AGMO: variants seen among roughly 807,000 people sequenced by gnomAD.
AGMO encodes glyceryl-ether monooxygenase.
In AGMO, 75 loss-of-function variants were observed where a neutral mutation model predicts 60.2. That is an observed-to-expected ratio of 1.25 (90% CI 1.03 to 1.51). The LOEUF (loss-of-function observed/expected upper bound fraction) is 1.51, where lower values mean the gene tolerates loss of function less well. Among genes scored for constraint, AGMO ranks in the 40% most tolerant of loss-of-function variants. AGMO has a pLI of 0.00. For missense variants in AGMO, 763 were observed against 525.5 expected (o/e 1.45, Z -4.42); for synonymous variants, 261 against 177.1 (o/e 1.47, Z -3.76).
At chr7:15,301,963 AGAG>A (rs1276116080) in intron 12 of AGMO, among the ~76,000 whole-genome samples, 3 of 152,166 alleles carry the variant, frequency 2.0e-5, no homozygotes, top group Non-Finnish European at 2.9e-5. Flanking sequence ...AAATAGTATC[AGAG>A]GAGAATAAGT....
chr7:15,430,100 T>C (rs1781184866), intron 4 of AGMO, among the ~76,000 whole-genome samples: 1 of 151,960 alleles, frequency 6.6e-6, no homozygotes, highest in African/African-American at 2.4e-5. Flanking sequence ...ATGAAGGCTG[T>C]TGTGAAGATG....
intron 3 of AGMO, among the ~76,000 whole-genome samples, chr7:15,451,669 T>C (rs1406630573): frequency 6.6e-6 from 1 of 152,050 alleles, no homozygotes; most frequent in African/African-American, 2.4e-5. Flanking sequence ...TTAAAGACCT[T>C]AGTATAAGAG....
At chr7:15,304,666 CATG>C (rs1780558065) in intron 12 of AGMO, among the ~76,000 whole-genome samples, 1 of 151,894 alleles carries the variant, frequency 6.6e-6, no homozygotes, top group South Asian at 2.1e-4. Context: ...TTTATAGGGC[CATG>C]ATTTGTCAAC....
chr7:15,203,216 C>G (rs950490617), intron 12 of AGMO, among the ~76,000 whole-genome samples: 1 of 152,134 alleles, frequency 6.6e-6, no homozygotes, highest in South Asian at 2.1e-4. Context: ...TCTCAATTCC[C>G]CTAGACTATC....
chr7:15,230,628 T>A (rs1782232060), intron 12 of AGMO, among the ~76,000 whole-genome samples: 1 of 152,200 alleles, frequency 6.6e-6, no homozygotes. Flanking sequence ...TTCCTAGGTC[T>A]CTTTATCTGA....
At chr7:15,373,278 A>C (rs1453538710) in intron 10 of AGMO, among the ~76,000 whole-genome samples, 1 of 138,498 alleles carries the variant, frequency 7.2e-6, no homozygotes, top group African/African-American at 2.9e-5. Context: ...ATTCTGTCTC[A>C]AAAAAAAAAA....
intron 5 of AGMO, among the ~76,000 whole-genome samples, chr7:15,404,742 C>A (rs1215272793): frequency 6.6e-6 from 1 of 151,860 alleles, no homozygotes; most frequent in Non-Finnish European, 1.5e-5. Context: ...TGTATTGTGA[C>A]TGCCATTATG....
intron 10 of AGMO, among the ~76,000 whole-genome samples, chr7:15,369,682 T>C (rs1390589536): frequency 1.3e-5 from 2 of 152,178 alleles, no homozygotes; most frequent in Non-Finnish European, 2.9e-5. Context: ...ACGTATATAT[T>C]TGTTGGTGCA....
the AGMO span, among the ~76,000 whole-genome samples, chr7:15,149,181 T>C: frequency 6.6e-6 from 1 of 152,148 alleles, no homozygotes; most frequent in Non-Finnish European, 1.5e-5. Context: ...TGTTTTGGCT[T>C]GTTGATTTAA....
chr7:15,384,789 T>A (rs568200459), intron 10 of AGMO, among the ~76,000 whole-genome samples: 1 of 149,250 alleles, frequency 6.7e-6, no homozygotes, highest in Admixed American at 6.7e-5. Context: ...AGAATACAAA[T>A]AAATCTATAA....
intron 5 of AGMO, among the ~76,000 whole-genome samples, chr7:15,417,565 C>A (rs1300572282): frequency 6.6e-6 from 1 of 152,190 alleles, no homozygotes; most frequent in African/African-American, 2.4e-5. Flanking sequence ...TTGGCCGCAA[C>A]ATCTCTTTCA....
At chr7:15,438,738 G>T (rs1781466930) in intron 3 of AGMO, among the ~76,000 whole-genome samples, 1 of 152,308 alleles carries the variant, frequency 6.6e-6, no homozygotes, top group Non-Finnish European at 1.5e-5. Flanking sequence ...GTCCCTGAAT[G>T]ACAGCATGGA....
chr7:15,439,499 T>G (rs1435614144), intron 3 of AGMO, among the ~76,000 whole-genome samples: 2 of 152,216 alleles, frequency 1.3e-5, no homozygotes, highest in Non-Finnish European at 2.9e-5. Flanking sequence ...CTCTGCCCCT[T>G]GCCTTTGGGC....
At chr7:15,556,746 T>A (rs1473300717) in intron 2 of AGMO, among the ~76,000 whole-genome samples, 1 of 152,132 alleles carries the variant, frequency 6.6e-6, no homozygotes, top group Non-Finnish European at 1.5e-5. Flanking sequence ...AATATTTTGT[T>A]AAATCAAGTT....
At chr7:15,222,529 C>A (rs537415321) in intron 12 of AGMO, among the ~76,000 whole-genome samples, 1 of 152,154 alleles carries the variant, frequency 6.6e-6, no homozygotes, top group Admixed American at 6.6e-5. Flanking sequence ...TTTGGCTAGT[C>A]ATTAGAAATG....
At chr7:15,205,593 G>C (rs1290158048) in intron 12 of AGMO, among the ~76,000 whole-genome samples, 1 of 152,052 alleles carries the variant, frequency 6.6e-6, no homozygotes, top group Non-Finnish European at 1.5e-5. Context: ...GAATGATAAA[G>C]TCACTTACTC....
chr7:15,234,627 C>T (rs568010252), intron 12 of AGMO, among the ~76,000 whole-genome samples: 1 of 152,178 alleles, frequency 6.6e-6, no homozygotes, highest in East Asian at 1.9e-4. Flanking sequence ...TGAAAAGGAA[C>T]AGCTAGTAAA....
chr7:15,235,695 C>A (rs964351999), intron 12 of AGMO, among the ~76,000 whole-genome samples: 1 of 152,136 alleles, frequency 6.6e-6, no homozygotes, highest in African/African-American at 2.4e-5. Flanking sequence ...CCACTAATAG[C>A]TGTAGACCTT....
At chr7:15,503,782 A>T (rs1262789279) in intron 3 of AGMO, among the ~76,000 whole-genome samples, 3 of 152,054 alleles carry the variant, frequency 2.0e-5, no homozygotes, top group Admixed American at 2.0e-4. Flanking sequence ...GAGTCAGGGC[A>T]TGCAAGGAAC....
Sources: allele counts gnomAD v4.1 joint callset (sites outside exome capture counted in the v4.1 genomes callset), GRCh38; gene constraint gnomAD v4.1.1; transcripts MANE v1.5; gene names NCBI Gene and HGNC (gene_info 2026-07-23, HGNC 2026-07-21).